MYO9A: variants seen among roughly 807,000 people sequenced by gnomAD.
MYO9A encodes myosin IXA, also known as unconventional myosin-IXa.
MYO9A carries 103 observed loss-of-function variants against 293.3 expected under a neutral mutation model. The observed-to-expected ratio is 0.35, with a 90% CI of 0.30 to 0.41. The LOEUF (loss-of-function observed/expected upper bound fraction) is 0.41, where lower values mean the gene tolerates loss of function less well. MYO9A is among the 10% of genes least tolerant of loss of function. The probability of loss-of-function intolerance (pLI) is 1.00; values close to 1 mark genes in which losing one functional copy is unlikely to be tolerated. For synonymous variants in MYO9A, 1,001 were observed against 1,035.7 expected (o/e 0.97, Z 0.64); for missense variants, 2,685 against 3,033.0 (o/e 0.89, Z 2.69).
intron 39 of MYO9A, among the ~76,000 whole-genome samples, chr15:71,844,774 C>T (rs1188486194): frequency 6.6e-6 from 1 of 151,986 alleles, no homozygotes; most frequent in Non-Finnish European, 1.5e-5. Flanking sequence ...TCGAAGTAAG[C>T]CTAAACAGTA....
In MYO9A at chr15:71,916,669, C is replaced by A. The variant is rs1227804408; in HGVS notation, c.2563-177G>T. ...CTATTCTCCTGTCTTCCTCTAGAAG[C>A]TAGAAAGCTAAAAAGAAAAGTACAC... is the stretch of plus-strand genomic sequence containing the variant. On this transcript the variant is annotated intron_variant, in intron 18 of 41. Coordinates refer to ENST00000356056, the MANE Select transcript of MYO9A (RefSeq NM_006901.4). Among the ~76,000 whole-genome samples, 4 of 152,144 alleles carry A rather than the reference C, an allele frequency of 2.6e-5. No homozygotes were observed. In the East Asian group the frequency reaches 7.7e-4, roughly 29 times the overall value.
At chr15:72,083,813 CA>C (rs890178021) in intron 1 of MYO9A, among the ~76,000 whole-genome samples, 1 of 152,118 alleles carries the variant, frequency 6.6e-6, no homozygotes, top group Non-Finnish European at 1.5e-5. Context: ...TGGTTTTGAG[CA>C]ATTTTCTTAG....
intron 12 of MYO9A, among the ~76,000 whole-genome samples, 156 bp from the exon 13 acceptor site, chr15:71,968,281 A>T (rs945441446): frequency 6.6e-6 from 1 of 152,204 alleles, no homozygotes; most frequent in Non-Finnish European, 1.5e-5. Flanking sequence ...GATTCTCATA[A>T]CAAGCTAAAA....
chr15:72,034,090 C>T (rs1438494713), intron 2 of MYO9A, among the ~76,000 whole-genome samples: 1 of 152,184 alleles, frequency 6.6e-6, no homozygotes, highest in African/African-American at 2.4e-5. Flanking sequence ...AAGGCGAGGA[C>T]GTCAACCAAG....
At chr15:71,834,282 T>C (rs2054848897) in intron 39 of MYO9A, among the ~76,000 whole-genome samples, 1 of 151,936 alleles carries the variant, frequency 6.6e-6, no homozygotes, top group Admixed American at 6.6e-5. Context: ...ATGAAGAAAT[T>C]AGGAATGTGA....
chr15:72,058,639 T>A (rs1332175676), intron 1 of MYO9A, among the ~76,000 whole-genome samples: 2 of 152,210 alleles, frequency 1.3e-5, no homozygotes, highest in Non-Finnish European at 2.9e-5. Context: ...TAGAAAATTA[T>A]TTAATATTCT....
At chr15:72,015,849 A>G (rs2077320940) in intron 6 of MYO9A, among the ~76,000 whole-genome samples, 1 of 151,750 alleles carries the variant, frequency 6.6e-6, no homozygotes, top group African/African-American at 2.4e-5. Flanking sequence ...CACCACATCC[A>G]GCTAATTTTT....
At chr15:72,024,898 G>A (rs1410945139) in intron 4 of MYO9A, among the ~76,000 whole-genome samples, 1 of 151,876 alleles carries the variant, frequency 6.6e-6, no homozygotes, top group African/African-American at 2.4e-5. Flanking sequence ...AAAGAAGGCA[G>A]GAATAGAAGA....
At chr15:71,874,923 T>C (rs111311576) in intron 32 of MYO9A, among the ~76,000 whole-genome samples, 196 of 152,314 alleles carry the variant, frequency 1.3e-3, no homozygotes, top group African/African-American at 3.9e-3. Context: ...AAAAGTATTT[T>C]TCTCTTCTGT....
chr15:72,004,614 A>G (rs2076966057), intron 8 of MYO9A, among the ~76,000 whole-genome samples: 1 of 152,204 alleles, frequency 6.6e-6, no homozygotes, highest in South Asian at 2.1e-4. Context: ...ATGTTAAAAT[A>G]TACTCAAAAT....
chr15:72,058,269 C>T (rs1455793385), intron 1 of MYO9A, among the ~76,000 whole-genome samples: 1 of 152,080 alleles, frequency 6.6e-6, no homozygotes, highest in Non-Finnish European at 1.5e-5. Context: ...GAAAATTGCA[C>T]ATAAAGGTAT....
chr15:72,114,375 A>G (rs1010843882), intron 1 of MYO9A: 2 of 152,278 alleles, frequency 1.3e-5, no homozygotes, highest in African/African-American at 4.8e-5. Context: ...TTTCAGTTAA[A>G]ATAAGATAGA....
In MYO9A at chr15:72,000,861, C is replaced by A. The variant is rs2035379; in HGVS notation, c.1381-921G>T. Among the ~76,000 whole-genome samples the A allele has an allele frequency of 2.0e-5, 3 of 152,088 alleles. No individual in the cohort carries two copies. The East Asian group carries it at 5.8e-4, about 29-fold the overall frequency. On this transcript the variant is annotated intron_variant, in intron 8 of 41. Transcript: ENST00000356056. Reference sequence around the variant, plus strand: ...AGCATTGCAGCATATAAATATACCACAGTGTGTAATCCATTCTCCTCTTTG... The same window carrying A: ...AGCATTGCAGCATATAAATATACCAAAGTGTGTAATCCATTCTCCTCTTTG...
In MYO9A at chr15:71,935,299, A is replaced by C. The variant is rs200057523; in HGVS notation, c.2522+42T>G. On this transcript the variant is annotated intron_variant, in intron 17 of 41. Coordinates refer to ENST00000356056, the MANE Select transcript of MYO9A (RefSeq NM_006901.4). Reference sequence around the variant, plus strand: ...CCAGAAATTTTAAACCAGACAAAAAACAAAAAACAAAAAACAATTTACATT... The same window carrying C: ...CCAGAAATTTTAAACCAGACAAAAACCAAAAAACAAAAAACAATTTACATT... The C allele has an allele frequency of 1.7e-4, 262 of 1,524,174 alleles. 2 individuals carry two copies. In the East Asian group the frequency reaches 5.9e-3, roughly 34 times the overall value. The allele number at this position is 1,524,174 out of a possible 1,614,324, so 94.4% of individuals were successfully genotyped here. A position where few individuals can be genotyped will look rare whatever the true frequency, so the allele number is the denominator to read the frequency against.
At chr15:71,889,444 CTTTTTTTTTTT>C (rs34913367) in intron 26 of MYO9A, 2 of 87,656 alleles carry the variant, frequency 2.3e-5, no homozygotes, top group South Asian at 4.0e-4. Context: ...TCTAACAAAC[CTTTTTTTTTTT>C]TTTTTTTTTT....
chr15:72,076,296 C>A (rs903449050), intron 1 of MYO9A, among the ~76,000 whole-genome samples: 1 of 142,106 alleles, frequency 7.0e-6, no homozygotes, highest in African/African-American at 2.6e-5. Context: ...CAGAGTGAGA[C>A]TCTGTCTCAA....
Position 72,098,306 on chromosome 15 carries a change from GAACT to G in MYO9A, c.-72+19370_-72+19373del, listed in dbSNP as rs779368919. ...TTCATGGAAAAACCCACATGGAAGG[GAACT>G]AACACAGAAATGCCAAGTTTAACCA... On this transcript the variant is annotated intron_variant, in intron 1 of 41. Coordinates refer to ENST00000356056, the MANE Select transcript of MYO9A (RefSeq NM_006901.4). Among the ~76,000 whole-genome samples the G allele has an allele frequency of 1.5e-3, 223 of 151,792 alleles. 1 individual carries two copies. Among genetic ancestry groups the G allele is most frequent in the Non-Finnish European group, 1.9e-3 (126 of 67,970 alleles).
rs8178 is a variant in MYO9A, at chr15:71,822,406, G to A, written c.*4174C>T. 0.33 allele frequency: 49,965 copies of A among 151,694 alleles called. 9,110 individuals carry two copies. The highest frequency in any genetic ancestry group is 0.61 in the East Asian group (3,163 of 5,146). The allele number at this position is 151,694 out of a possible 1,614,324, so 9.4% of individuals were successfully genotyped here. A position where few individuals can be genotyped will look rare whatever the true frequency, so the allele number is the denominator to read the frequency against. On this transcript the variant is annotated 3_prime_UTR_variant, in exon 42 of 42. Coordinates refer to ENST00000356056, the MANE Select transcript of MYO9A (RefSeq NM_006901.4). The stretch of plus-strand genomic sequence containing the variant: ...ACACAAACTGCACTTTATACAGATG[G>A]TATCTTGTTACCCCTCAACCCCCCA...
At chr15:72,023,809 T>C (rs1174978302) in intron 4 of MYO9A, among the ~76,000 whole-genome samples, 1 of 151,428 alleles carries the variant, frequency 6.6e-6, no homozygotes, top group Non-Finnish European at 1.5e-5. Context: ...AAAATCTCTC[T>C]CCAAATTTGA....
Sources: allele counts gnomAD v4.1 joint callset (sites outside exome capture counted in the v4.1 genomes callset), GRCh38; gene constraint gnomAD v4.1.1; transcripts MANE v1.5; gene names NCBI Gene and HGNC (gene_info 2026-07-23, HGNC 2026-07-21).